Variants in AUH observed in about 807,000 individuals in gnomAD.
The protein encoded by AUH is AU RNA binding methylglutaconyl-CoA hydratase.
AUH carries 29 observed loss-of-function variants against 42.3 expected under a neutral mutation model. The observed-to-expected ratio is 0.69, with a 90% CI of 0.51 to 0.93. AUH has a LOEUF of 0.93. AUH is among the 40% of genes least tolerant of loss of function. The probability of loss-of-function intolerance (pLI) is 0.00; values close to 1 mark genes in which losing one functional copy is unlikely to be tolerated. For missense variants in AUH, 452 were observed against 438.1 expected (o/e 1.03, Z -0.28); for synonymous variants, 174 against 166.4 (o/e 1.05, Z -0.35).
intron 4 of AUH, among the ~76,000 whole-genome samples, chr9:91,317,789 A>C (rs1829268485): frequency 6.6e-6 from 1 of 152,232 alleles, no homozygotes; most frequent in South Asian, 2.1e-4. Flanking sequence ...AGGCTAAGGA[A>C]GTTTCCTTCT....
At chr9:91,312,876 C>T (rs1828815816) in intron 4 of AUH, among the ~76,000 whole-genome samples, 1 of 152,172 alleles carries the variant, frequency 6.6e-6, no homozygotes, top group African/African-American at 2.4e-5. Flanking sequence ...AGACAAAAAT[C>T]TAACAAATTG....
intron 4 of AUH, among the ~76,000 whole-genome samples, chr9:91,316,189 GT>G (rs910866544): frequency 6.6e-6 from 1 of 152,102 alleles, no homozygotes; most frequent in African/African-American, 2.4e-5. Context: ...TCAAATCCAA[GT>G]AGCAACCCAT....
intron 3 of AUH, among the ~76,000 whole-genome samples, chr9:91,349,679 GACACAC>G (rs35888854): frequency 2.0e-3 from 292 of 149,168 alleles, no homozygotes; most frequent in African/African-American, 6.4e-3. Context: ...CAGAGAGACA[GACACAC>G]ACACACACAC....
At chr9:91,322,263 G>A (rs1408981206) in intron 4 of AUH, among the ~76,000 whole-genome samples, 1 of 152,120 alleles carries the variant, frequency 6.6e-6, no homozygotes, top group African/African-American at 2.4e-5. Context: ...AGACACTCTG[G>A]AACAAACATC....
At chr9:91,278,309 G>T (rs1278107451) in intron 6 of AUH, among the ~76,000 whole-genome samples, 2 of 152,154 alleles carry the variant, frequency 1.3e-5, no homozygotes, top group Non-Finnish European at 1.5e-5. Context: ...CTTACGCGTA[G>T]CAAAAAGATT....
At chr9:91,354,789 C>T (rs922941525) in intron 3 of AUH, among the ~76,000 whole-genome samples, 5 of 152,122 alleles carry the variant, frequency 3.3e-5, no homozygotes, top group African/African-American at 9.7e-5. Flanking sequence ...AATAAGCCAT[C>T]CAATGACCTT....
At chr9:91,322,342 C>G (rs541627047) in intron 4 of AUH, among the ~76,000 whole-genome samples, 1 of 152,260 alleles carries the variant, frequency 6.6e-6, no homozygotes, top group South Asian at 2.1e-4. Flanking sequence ...CAGGTAGCAT[C>G]AACTTTTACT....
chr9:91,218,662 G>C, intron 7 of AUH: 1 of 985,338 alleles, frequency 1.0e-6, no homozygotes, highest in South Asian at 4.7e-5. Flanking sequence ...AATAGTGCTT[G>C]ATTTAATTTG....
At chr9:91,240,503 G>A (rs187064765) in intron 6 of AUH, among the ~76,000 whole-genome samples, 11 of 152,270 alleles carry the variant, frequency 7.2e-5, no homozygotes, top group African/African-American at 2.2e-4. Flanking sequence ...AAATTGGAGT[G>A]AAGGCCTCCA....
chr9:91,342,271 T>C (rs1219845447), intron 3 of AUH, among the ~76,000 whole-genome samples: 1 of 152,200 alleles, frequency 6.6e-6, no homozygotes, highest in Non-Finnish European at 1.5e-5. Flanking sequence ...CTGCTTCCTG[T>C]TGTCATTTCT....
At chr9:91,256,666 G>A (rs1364200416) in intron 6 of AUH, among the ~76,000 whole-genome samples, 4 of 152,182 alleles carry the variant, frequency 2.6e-5, no homozygotes. Context: ...AGTGACAGCT[G>A]TCCCTGTGCT....
At chr9:91,259,038 A>G (rs899920924) in intron 6 of AUH, among the ~76,000 whole-genome samples, 12 of 152,308 alleles carry the variant, frequency 7.9e-5, no homozygotes, top group African/African-American at 2.4e-4. Context: ...CCTGGCCTCA[A>G]ACCATGAGTC....
intron 1 of AUH, 83 bp from the exon 2 acceptor site, chr9:91,356,238 C>T: frequency 9.0e-7 from 1 of 1,106,036 alleles, no homozygotes; most frequent in African/African-American, 1.5e-5. Flanking sequence ...ATCTAGCTAG[C>T]TTCGAACTTA....
chr9:91,313,620 G>C (rs944324398), intron 4 of AUH, among the ~76,000 whole-genome samples: 1 of 151,244 alleles, frequency 6.6e-6, no homozygotes, highest in Admixed American at 6.6e-5. Flanking sequence ...CAGGAGAATG[G>C]CGTGAACCCG....
intron 6 of AUH, among the ~76,000 whole-genome samples, chr9:91,267,405 A>G (rs1383236075): frequency 1.3e-5 from 2 of 152,088 alleles, no homozygotes; most frequent in South Asian, 2.1e-4. Flanking sequence ...GATGAGGCCC[A>G]TGTTTTTCAT....
At chr9:91,269,429 T>C (rs1450442719) in intron 6 of AUH, among the ~76,000 whole-genome samples, 1 of 152,234 alleles carries the variant, frequency 6.6e-6, no homozygotes, top group Non-Finnish European at 1.5e-5. Flanking sequence ...AAAAACTATG[T>C]AGTGACAGAT....
intron 6 of AUH, among the ~76,000 whole-genome samples, chr9:91,242,714 G>A (rs1828587929): frequency 1.3e-5 from 2 of 152,282 alleles, no homozygotes; most frequent in Admixed American, 6.5e-5. Context: ...CATTAAATGA[G>A]GGTTCTAATA....
chr9:91,294,651 A>G (rs1243001409), intron 6 of AUH: 6 of 454,164 alleles, frequency 1.3e-5, no homozygotes, highest in Non-Finnish European at 2.2e-5. Context: ...ACCTTCTGGA[A>G]AGGATCTGCC....
intron 3 of AUH, among the ~76,000 whole-genome samples, chr9:91,348,504 C>G (rs186644113): frequency 6.6e-6 from 1 of 152,082 alleles, no homozygotes. Context: ...ATGACCATCA[C>G]CTAATGAATA....
Sources: gnomAD v4.1 joint callset for allele counts (sites outside exome capture counted in the v4.1 genomes callset) on GRCh38, gnomAD v4.1.1 for gene constraint, MANE v1.5 for transcripts, NCBI Gene and HGNC (gene_info 2026-07-23, HGNC 2026-07-21) for gene names.